Variants in RINT1 observed in about 807,000 individuals in gnomAD.
The protein encoded by RINT1 is RAD50-interacting protein 1.
Under a neutral mutation model 97.7 loss-of-function variants are expected in RINT1, and 75 were observed. The ratio of observed to expected loss-of-function variants is 0.77; its 90% CI spans 0.64 to 0.93. The LOEUF (loss-of-function observed/expected upper bound fraction) is 0.93. Among genes scored for constraint, RINT1 ranks in the 40% least tolerant of loss-of-function variants. RINT1 has a pLI of 0.00. For synonymous variants in RINT1, 303 were observed against 326.3 expected (o/e 0.93, Z 0.77); for missense variants, 892 against 925.2 (o/e 0.96, Z 0.47).
At chr7:105,553,071 T>C (rs1349179677) in intron 10 of RINT1, among the ~76,000 whole-genome samples, 2 of 152,074 alleles carry the variant, frequency 1.3e-5, no homozygotes, top group African/African-American at 4.8e-5. Context: ...TTCAGAAAAT[T>C]TTCAAACATA....
chr7:105,540,773 A>G (rs1359322205), intron 3 of RINT1, among the ~76,000 whole-genome samples: 1 of 151,712 alleles, frequency 6.6e-6, no homozygotes, highest in African/African-American at 2.4e-5. Context: ...GCCTTAATTC[A>G]GAATCACCTG....
In RINT1 at chr7:105,567,410, G is replaced by C. The variant is rs1208542362; in HGVS notation, c.*99G>C. 2 of 843,518 alleles carry C rather than the reference G, an allele frequency of 2.4e-6. No individual in the cohort carries two copies. Among genetic ancestry groups the C allele is most frequent in the East Asian group, 5.2e-5 (2 of 38,140 alleles). 52.3% of individuals were successfully genotyped at this position (843,518 alleles called of 1,614,324 possible). The stretch of plus-strand genomic sequence containing the variant: ...ATGAAATTCTGAATTAATGAAACTG[G>C]AAAACTTTATAGAATTACTTATTAT... On this transcript the variant is annotated 3_prime_UTR_variant, in exon 15 of 15. Transcript: ENST00000257700.
At chr7:105,541,317 A>C (rs545405200) in intron 3 of RINT1, among the ~76,000 whole-genome samples, 297 of 150,264 alleles carry the variant, frequency 2.0e-3, no homozygotes, top group Non-Finnish European at 3.2e-3. Flanking sequence ...TTGTATTTTT[A>C]GTAGAGATGG....
In RINT1 at chr7:105,548,668, G is replaced by C. The variant is rs752595144; in HGVS notation, c.954G>C (p.Arg318Ser). The change falls in exon 7 of 15, where the codon AGG (arginine) becomes AGC (serine). Residue 318 changes from arginine (R) to serine (S), a missense_variant. Transcript: ENST00000257700. Reference protein sequence around the residue: ...VMLTPLQKRFRYHFRGNRQTN... With the variant: ...VMLTPLQKRFSYHFRGNRQTN... ...TGACTCCTCTTCAGAAGAGGTTCAG[G>C]TATCACTTCAGAGGGAACCGGCAGA... is the stretch of plus-strand genomic sequence containing the variant. 2.0e-5 allele frequency: 33 copies of C among 1,614,094 alleles called. No individual in the cohort carries two copies. In the Middle Eastern group the frequency reaches 1.2e-3, roughly 56 times the overall value.
chr7:105,535,266 G>A (rs1790181999), intron 2 of RINT1, among the ~76,000 whole-genome samples: 3 of 131,454 alleles, frequency 2.3e-5, no homozygotes, highest in Non-Finnish European at 4.7e-5. Context: ...GTCTCACTCT[G>A]TTGCCCAGGC....
chr7:105,542,177 A>G (rs1210220923), intron 3 of RINT1: 2 of 357,904 alleles, frequency 5.6e-6, no homozygotes, highest in South Asian at 7.3e-5. Context: ...TAAAGAAAAA[A>G]AAAAAAGAAA....
chr7:105,556,555 A>G (rs1431768033), intron 11 of RINT1, among the ~76,000 whole-genome samples: 2 of 152,152 alleles, frequency 1.3e-5, no homozygotes, highest in African/African-American at 4.8e-5. Flanking sequence ...TTGTATCTGA[A>G]AAAATTAACT....
intron 8 of RINT1, 36 bp from the exon 9 acceptor site, chr7:105,550,222 CTTT>C: frequency 6.2e-7 from 1 of 1,607,910 alleles, no homozygotes; most frequent in African/African-American, 1.3e-5. Context: ...GCATGGATAA[CTTT>C]TTATTTACAT....
intron 2 of RINT1, among the ~76,000 whole-genome samples, chr7:105,534,074 A>ATTT (rs113109700): frequency 1.4e-5 from 2 of 146,660 alleles, no homozygotes; most frequent in African/African-American, 5.0e-5. Context: ...CAAGGGTGTA[A>ATTT]TTTTTTTTTT....
rs1245636888 is a variant in RINT1 at position 105,565,174 on chromosome 7, CA to C, written c.1887-99del. The C allele has an allele frequency of 3.2e-6, 3 of 942,270 alleles. No individual in the cohort carries two copies. In the East Asian group the frequency reaches 8.0e-5, roughly 25 times the overall value. The allele number at this position is 942,270 out of a possible 1,614,324, so 58.4% of individuals were successfully genotyped here. On this transcript the variant is annotated intron_variant, in intron 12 of 14. Transcript: ENST00000257700. Reference sequence around the variant, plus strand: ...GTTAGGCTGTATATTTTTTCTTATCCAAAATGCCCTAGGACAGAACACTTCC... The same window carrying C: ...GTTAGGCTGTATATTTTTTCTTATCCAAATGCCCTAGGACAGAACACTTCC...
chr7:105,538,910 C>T (rs1267760059), intron 3 of RINT1, among the ~76,000 whole-genome samples: 1 of 152,158 alleles, frequency 6.6e-6, no homozygotes, highest in Non-Finnish European at 1.5e-5. Flanking sequence ...GTTCGTCAAC[C>T]AGTCCTATCC....
At chr7:105,541,379 C>T (rs149557446) in intron 3 of RINT1, among the ~76,000 whole-genome samples, 8,385 of 151,366 alleles carry the variant, frequency 0.055, 784 homozygotes, top group African/African-American at 0.19. Flanking sequence ...TCAAATGATC[C>T]GCCTGTCTTG....
Position 105,567,201 on chromosome 7 carries a change from C to T in RINT1, c.2269C>T (p.Gln757Ter). 2 of 1,612,878 alleles carry T rather than the reference C, an allele frequency of 1.2e-6. No homozygotes were observed. The highest frequency in any genetic ancestry group is 2.2e-5 in the South Asian group (2 of 90,686). The change falls in exon 15 of 15, where the codon CAG becomes TAG. Residue 757 changes from glutamine to a stop codon, truncating the protein, a stop_gained. Coordinates refer to ENST00000257700, the MANE Select transcript of RINT1 (RefSeq NM_021930.6). LOFTEE classifies it high-confidence loss of function. ...AGATGTACTGCAGTCAGCTTCAGGG[C>T]AGCTTCCTGCCACAGCAGCATTAAA... Reference protein sequence around the residue: ...LKDVLQSASGQLPATAALNEV... With the variant: ...LKDVLQSASG
At chr7:105,541,152 T>TG (rs1022946024) in intron 3 of RINT1, among the ~76,000 whole-genome samples, 9 of 151,054 alleles carry the variant, frequency 6.0e-5, no homozygotes, top group African/African-American at 1.7e-4. Flanking sequence ...TTTTTTTTTT[T>TG]CTTCTTTGAG....
intron 12 of RINT1, among the ~76,000 whole-genome samples, chr7:105,564,580 T>A (rs1791604872): frequency 6.6e-6 from 1 of 152,220 alleles, no homozygotes; most frequent in South Asian, 2.1e-4. Context: ...GTTACTTTCA[T>A]CCTTGATAGC....
intron 11 of RINT1, among the ~76,000 whole-genome samples, chr7:105,559,809 ATACTG>A (rs1409850229): frequency 6.6e-6 from 1 of 152,254 alleles, no homozygotes; most frequent in Admixed American, 6.5e-5. Context: ...CAGCCAGTGA[ATACTG>A]TATAAGTAAA....
chr7:105,540,838 CTTTTTT>C (rs56336226), intron 3 of RINT1, among the ~76,000 whole-genome samples: 2 of 134,234 alleles, frequency 1.5e-5, no homozygotes, highest in African/African-American at 2.8e-5. Flanking sequence ...TCTTTGTTTC[CTTTTTT>C]TTTTTTTTTT....
At chr7:105,558,914 C>A (rs1040880286) in intron 11 of RINT1, among the ~76,000 whole-genome samples, 1 of 151,796 alleles carries the variant, frequency 6.6e-6, no homozygotes, top group South Asian at 2.1e-4. Flanking sequence ...GAGCCTTCAT[C>A]ACACTACTGC....
intron 7 of RINT1, among the ~76,000 whole-genome samples, 200 bp downstream of exon 7, chr7:105,548,910 C>T (rs1370014655): frequency 6.6e-6 from 1 of 152,082 alleles, no homozygotes; most frequent in Non-Finnish European, 1.5e-5. Flanking sequence ...AATGGTATTT[C>T]CGCTCTTGGG....
Sources: allele counts gnomAD v4.1 joint callset (sites outside exome capture counted in the v4.1 genomes callset), GRCh38; gene constraint gnomAD v4.1.1; transcripts MANE v1.5; gene names NCBI Gene and HGNC (gene_info 2026-07-23, HGNC 2026-07-21).